The following COL25A1 variants were observed in gnomAD, a reference collection of about 807,000 sequenced individuals.
COL25A1 encodes the protein collagen alpha-1(XXV) chain.
Under a neutral mutation model 128.4 loss-of-function variants are expected in COL25A1, and 103 were observed. The ratio of observed to expected loss-of-function variants is 0.80; its 90% confidence interval spans 0.68 to 0.94. The LOEUF (loss-of-function observed/expected upper bound fraction) is 0.94, where lower values mean the gene tolerates loss of function less well. Ranked by LOEUF, COL25A1 falls within the 40% of genes least tolerant of loss-of-function variation. The pLI is 0.00. For synonymous variants in COL25A1, 279 were observed against 277.2 expected (o/e 1.01, Z -0.06); for missense variants, 745 against 840.0 (o/e 0.89, Z 1.40).
At position 109,200,601 on chromosome 4, in the gene COL25A1, C is replaced by A. The variant is rs112906617; in HGVS notation, c.367+99982G>T. Among the ~76,000 whole-genome samples the A allele has an allele frequency of 1.8e-4, 28 of 152,152 alleles. 1 individual carries two copies. Among genetic ancestry groups the A allele is most frequent in the South Asian group, 2.1e-4 (1 of 4,822 alleles). The stretch of plus-strand genomic sequence containing the variant: ...GCCTAGCTGGGACTGCATGTGTGCA[C>A]CACCATGCCCTGCTGATTTTTTGTA... On this transcript the variant is annotated intron_variant, in intron 3 of 37. Transcript: ENST00000399132.
chr4:109,085,581 A>G (rs2126000529), intron 3 of COL25A1, among the ~76,000 whole-genome samples: 2 of 152,340 alleles, frequency 1.3e-5, no homozygotes, highest in Non-Finnish European at 2.9e-5. Flanking sequence ...TTAAGGACAT[A>G]TCTGGTTATT....
chr4:108,916,849 G>A (rs1223038183), intron 13 of COL25A1, among the ~76,000 whole-genome samples: 1 of 152,170 alleles, frequency 6.6e-6, no homozygotes, highest in Non-Finnish European at 1.5e-5. Flanking sequence ...GCTGGCGAGT[G>A]TGCGGTGTTT....
chr4:108,938,338 TA>T (rs1017149889), intron 10 of COL25A1, among the ~76,000 whole-genome samples: 24 of 152,246 alleles, frequency 1.6e-4, no homozygotes, highest in African/African-American at 5.5e-4. Flanking sequence ...AGTCATTGGC[TA>T]AAAATATTTT....
At chr4:109,288,664 TA>T (rs1318597702) in intron 3 of COL25A1, among the ~76,000 whole-genome samples, 2 of 152,074 alleles carry the variant, frequency 1.3e-5, no homozygotes, top group Non-Finnish European at 2.9e-5. Flanking sequence ...CATTGGTACC[TA>T]AATACAGGAA....
rs953845824 is a variant in COL25A1, at chr4:108,852,933, G to A, written c.1321-8C>T. 7 of 1,608,786 alleles carry A rather than the reference G, an allele frequency of 4.4e-6. No individual in the cohort carries two copies. The African/African-American group carries it at 6.7e-5, about 15-fold the overall frequency. ...AGTTAAGGTGGTAATCCTCTGTTGG[G>A]AAAATGTGTTGACAAAGACAGAGTT... On this transcript the variant is annotated splice_region_variant and splice_polypyrimidine_tract_variant and intron_variant, in intron 24 of 37. Coordinates refer to ENST00000399132, the MANE Select transcript of COL25A1 (RefSeq NM_198721.4).
At chr4:109,204,954 G>A (rs374589398) in intron 3 of COL25A1, among the ~76,000 whole-genome samples, 219 of 152,198 alleles carry the variant, frequency 1.4e-3, no homozygotes, top group African/African-American at 4.5e-3. Context: ...AAGTAAATTC[G>A]CAATGCTTCC....
At chr4:109,014,631 CA>C (rs756627085) in intron 5 of COL25A1, among the ~76,000 whole-genome samples, 2 of 152,108 alleles carry the variant, frequency 1.3e-5, no homozygotes, top group Non-Finnish European at 2.9e-5. Flanking sequence ...ATAGAACAAA[CA>C]GCCATAAATG....
At chr4:109,264,116 G>A (rs1353053404) in intron 3 of COL25A1, among the ~76,000 whole-genome samples, 1 of 152,206 alleles carries the variant, frequency 6.6e-6, no homozygotes, top group Non-Finnish European at 1.5e-5. Flanking sequence ...GAGAACTTAA[G>A]CTTCAAAAAA....
At chr4:109,208,759 AT>A (rs1288397005) in intron 3 of COL25A1, among the ~76,000 whole-genome samples, 2 of 152,092 alleles carry the variant, frequency 1.3e-5, no homozygotes, top group Non-Finnish European at 2.9e-5. Context: ...ACCAAGTTGA[AT>A]TTTTTTAATA....
chr4:109,057,406 C>T (rs924228267), intron 3 of COL25A1, among the ~76,000 whole-genome samples: 14 of 144,676 alleles, frequency 9.7e-5, no homozygotes, highest in African/African-American at 3.6e-4. Flanking sequence ...TAGCTGGGAC[C>T]ACCATGCCTA....
At chr4:109,002,083 A>G (rs900457698) in intron 6 of COL25A1, among the ~76,000 whole-genome samples, 2 of 152,246 alleles carry the variant, frequency 1.3e-5, no homozygotes, top group Admixed American at 6.5e-5. Flanking sequence ...GATGTAGAGC[A>G]AAGGGAATCC....
intron 8 of COL25A1, among the ~76,000 whole-genome samples, chr4:108,960,671 C>T (rs1578897023): frequency 6.6e-6 from 1 of 152,116 alleles, no homozygotes; most frequent in African/African-American, 2.4e-5. Flanking sequence ...CATTCTAGAA[C>T]CATCTTCTTC....
intron 3 of COL25A1, among the ~76,000 whole-genome samples, chr4:109,269,920 C>G (rs902654966): frequency 2.0e-5 from 3 of 152,132 alleles, no homozygotes; most frequent in African/African-American, 7.2e-5. Flanking sequence ...TCAATACACA[C>G]AAATCAATAA....
chr4:109,301,746 T>G lies in COL25A1; in HGVS notation c.274A>C (p.Lys92Gln), dbSNP rs1276290763. The change falls in exon 2 of 38, where the codon AAA (lysine) becomes CAA (glutamine). Residue 92 changes from lysine (K) to glutamine (Q), a missense_variant. Lys to Gln is a moderately conservative substitution (Grantham distance 53). Coordinates refer to ENST00000399132, the MANE Select transcript of COL25A1 (RefSeq NM_198721.4). The stretch of plus-strand genomic sequence containing the variant: ...ACCTGAGCCAGAAGTCGCTCCACTT[T>G]CTCTTGCACCATAGTCTTGAGGTGA... ...LDHLKTMVQE[K>Q]VERLLAQKSY... 6.2e-7 allele frequency: 1 copy of G among 1,613,336 alleles called. No individual in the cohort carries two copies. The highest frequency in any genetic ancestry group is 2.2e-5 in the East Asian group (1 of 44,866).
rs138806990 is a variant in COL25A1 at position 109,120,304 on chromosome 4, A to C, written c.368-70125T>G. 8.9e-4 allele frequency among the ~76,000 whole-genome samples: 136 copies of C among 152,236 alleles called. 1 individual carries two copies. The highest frequency in any genetic ancestry group is 3.0e-3 in the African/African-American group (124 of 41,570). ...TAATAAGACAAGAAGAGGAAATTAAAAGGTATACAGGTTGGGAAGGAAAAA... is the reference window on the plus strand; with the variant it reads ...TAATAAGACAAGAAGAGGAAATTAACAGGTATACAGGTTGGGAAGGAAAAA... On this transcript the variant is annotated intron_variant, in intron 3 of 37. Coordinates refer to ENST00000399132, the MANE Select transcript of COL25A1 (RefSeq NM_198721.4).
chr4:109,260,583 C>T (rs1781378789), intron 3 of COL25A1, among the ~76,000 whole-genome samples: 2 of 152,100 alleles, frequency 1.3e-5, no homozygotes, highest in Non-Finnish European at 2.9e-5. Flanking sequence ...GCAAGCTCCG[C>T]CTCCCAGGTT....
At chr4:109,178,761 G>C (rs1774341158) in intron 3 of COL25A1, among the ~76,000 whole-genome samples, 1 of 149,946 alleles carries the variant, frequency 6.7e-6, no homozygotes, top group South Asian at 2.1e-4. Flanking sequence ...CGTGAACCCA[G>C]GAGGCAGACC....
intron 18 of COL25A1, among the ~76,000 whole-genome samples, chr4:108,887,202 C>G (rs13119923): frequency 6.6e-6 from 1 of 151,870 alleles, no homozygotes; most frequent in South Asian, 2.1e-4. Context: ...AAAGACCACA[C>G]GGTGGAAAGC....
At chr4:109,199,939 G>A (rs1020575075) in intron 3 of COL25A1, among the ~76,000 whole-genome samples, 3 of 152,190 alleles carry the variant, frequency 2.0e-5, no homozygotes, top group African/African-American at 7.2e-5. Context: ...TACATGGACT[G>A]TCAGCAAGAA....
Sources: gnomAD v4.1 joint callset for allele counts (sites outside exome capture counted in the v4.1 genomes callset) on GRCh38, gnomAD v4.1.1 for gene constraint, MANE v1.5 for transcripts, NCBI Gene and HGNC (gene_info 2026-07-23, HGNC 2026-07-21) for gene names.